Variants in PRKG1 observed in about 807,000 individuals in gnomAD.
The protein encoded by PRKG1 is protein kinase cGMP-dependent 1, also known as cGMP-dependent protein kinase 1.
Under a neutral mutation model 88.1 loss-of-function variants are expected in PRKG1, and 35 were observed. The ratio of observed to expected loss-of-function variants is 0.40; its 90% CI spans 0.30 to 0.53. The LOEUF is 0.53. Among genes scored for constraint, PRKG1 ranks in the 20% least tolerant of loss-of-function variants. The pLI, the probability that PRKG1 is intolerant of heterozygous loss-of-function variation, is 0.59. For synonymous variants in PRKG1, 303 were observed against 292.5 expected (o/e 1.04, Z -0.37); for missense variants, 540 against 839.8 (o/e 0.64, Z 4.41).
At chr10:51,796,486 G>A (rs1839015113) in intron 3 of PRKG1, among the ~76,000 whole-genome samples, 1 of 151,918 alleles carries the variant, frequency 6.6e-6, no homozygotes, top group African/African-American at 2.4e-5. Context: ...CTCATTCCAA[G>A]TTCTCAATAG....
intron 2 of PRKG1, among the ~76,000 whole-genome samples, chr10:51,166,147 A>G (rs1399488133): frequency 6.6e-6 from 1 of 152,012 alleles, no homozygotes. Context: ...AACATTGCTG[A>G]TACAGATTTA....
At chr10:51,278,226 C>G (rs190895747) in intron 2 of PRKG1, among the ~76,000 whole-genome samples, 129 of 152,184 alleles carry the variant, frequency 8.5e-4, no homozygotes, top group African/African-American at 2.9e-3. Context: ...TGGTTTTTGT[C>G]GTTGGTTCTG....
intron 3 of PRKG1, among the ~76,000 whole-genome samples, chr10:51,792,362 C>T (rs1196266268): frequency 6.6e-6 from 1 of 151,876 alleles, no homozygotes; most frequent in Non-Finnish European, 1.5e-5. Context: ...TATACCTGAC[C>T]TTTGCCTCAT....
chr10:51,350,434 C>G (rs1842214966), intron 2 of PRKG1, among the ~76,000 whole-genome samples: 1 of 152,056 alleles, frequency 6.6e-6, no homozygotes, highest in Non-Finnish European at 1.5e-5. Context: ...ATGAACATAC[C>G]TCAACATAAT....
chr10:51,933,774 G>A (rs1470012230), intron 5 of PRKG1, among the ~76,000 whole-genome samples: 1 of 151,988 alleles, frequency 6.6e-6, no homozygotes. Context: ...ACTTTTAGCT[G>A]CTTAATAACT....
chr10:51,710,077 C>T (rs1049995711), intron 3 of PRKG1, among the ~76,000 whole-genome samples: 5 of 152,058 alleles, frequency 3.3e-5, no homozygotes, highest in Admixed American at 1.3e-4. Flanking sequence ...TAAATGTGAA[C>T]GAAAATGTGA....
intron 2 of PRKG1, among the ~76,000 whole-genome samples, chr10:51,311,885 G>A (rs766924681): frequency 5.9e-5 from 9 of 151,508 alleles, no homozygotes; most frequent in African/African-American, 4.8e-5. Flanking sequence ...TTTTTTTTTC[G>A]TGGGGGATGG....
rs139555298 is a variant in PRKG1 at position 51,470,315 on chromosome 10, T to C, written c.592+2479T>C. ...TCAAATGACAAGAGTATTGACCATT[T>C]TGAGTATCATTCAAAATGGATTCAT... On this transcript the variant is annotated intron_variant, in intron 3 of 17. Transcript: ENST00000373980. 9.9e-5 allele frequency among the ~76,000 whole-genome samples: 15 copies of C among 151,976 alleles called. 1 individual carries two copies. The East Asian group carries it at 2.9e-3, about 29-fold the overall frequency.
chr10:51,016,675 T>TC (rs200296827), intron 1 of PRKG1, among the ~76,000 whole-genome samples: 7 of 90,906 alleles, frequency 7.7e-5, no homozygotes, highest in South Asian at 3.7e-4. Flanking sequence ...TATCCTTTCT[T>TC]TTTTTTTTTT....
chr10:52,046,279 A>G (rs1379918738), intron 5 of PRKG1, among the ~76,000 whole-genome samples: 2 of 152,038 alleles, frequency 1.3e-5, no homozygotes, highest in East Asian at 3.9e-4. Flanking sequence ...TTCTTTTTTT[A>G]TGTAAAGTAC....
At chr10:51,850,497 A>ATG (rs1840522285) in intron 4 of PRKG1, among the ~76,000 whole-genome samples, 1 of 151,568 alleles carries the variant, frequency 6.6e-6, no homozygotes, top group Non-Finnish European at 1.5e-5. Flanking sequence ...TTTTATATAT[A>ATG]TATATATGTA....
At chr10:51,321,043 G>A (rs1308579615) in intron 2 of PRKG1, among the ~76,000 whole-genome samples, 1 of 150,780 alleles carries the variant, frequency 6.6e-6, no homozygotes, top group African/African-American at 2.5e-5. Flanking sequence ...AGATATCCTT[G>A]TACCACACAG....
chr10:51,615,828 G>A (rs1010576479), intron 3 of PRKG1, among the ~76,000 whole-genome samples: 2 of 151,562 alleles, frequency 1.3e-5, no homozygotes, highest in Non-Finnish European at 2.9e-5. Flanking sequence ...ATTTGTTTTC[G>A]ATTGAGATCT....
At chr10:51,869,435 A>G (rs1254419246) in intron 4 of PRKG1, among the ~76,000 whole-genome samples, 1 of 152,096 alleles carries the variant, frequency 6.6e-6, no homozygotes, top group Non-Finnish European at 1.5e-5. Flanking sequence ...CTTTGTAGCT[A>G]GAAAACAATC....
chr10:51,226,166 A>G (rs763924243), intron 2 of PRKG1, among the ~76,000 whole-genome samples: 4 of 152,178 alleles, frequency 2.6e-5, no homozygotes, highest in Non-Finnish European at 5.9e-5. Flanking sequence ...ATCACTCCAC[A>G]GCACTCTAGT....
intron 2 of PRKG1, among the ~76,000 whole-genome samples, chr10:51,349,745 G>A (rs1182134930): frequency 6.6e-6 from 1 of 152,006 alleles, no homozygotes; most frequent in Non-Finnish European, 1.5e-5. Flanking sequence ...GACCTCAAGT[G>A]ATCTGGCTGC....
intron 5 of PRKG1, among the ~76,000 whole-genome samples, chr10:51,953,904 G>T (rs1372568835): frequency 6.6e-6 from 1 of 152,066 alleles, no homozygotes; most frequent in Non-Finnish European, 1.5e-5. Context: ...TTGTGTTAAA[G>T]AAATTGCCCC....
chr10:51,272,102 T>A (rs956829043), intron 2 of PRKG1, among the ~76,000 whole-genome samples: 4 of 152,238 alleles, frequency 2.6e-5, no homozygotes, highest in Non-Finnish European at 5.9e-5. Flanking sequence ...TTTTTAATGA[T>A]CTCCATTCTA....
intron 9 of PRKG1, among the ~76,000 whole-genome samples, chr10:52,240,676 T>C (rs2132377371): frequency 6.6e-6 from 1 of 152,282 alleles, no homozygotes; most frequent in East Asian, 1.9e-4. Flanking sequence ...AACGCACCGA[T>C]CACTATTACC....
Sources: allele counts gnomAD v4.1 joint callset (sites outside exome capture counted in the v4.1 genomes callset), GRCh38; gene constraint gnomAD v4.1.1; transcripts MANE v1.5; gene names NCBI Gene and HGNC (gene_info 2026-07-23, HGNC 2026-07-21).